HDAC9: variants seen among roughly 807,000 people sequenced by gnomAD.
HDAC9 encodes the protein MEF-2 interacting transcription repressor (MITR) protein.
A neutral mutation model predicts 139.4 loss-of-function variants in HDAC9; 41 were observed. The observed-to-expected ratio is 0.29, with a 90% CI of 0.23 to 0.38. The LOEUF (loss-of-function observed/expected upper bound fraction) is 0.38, where lower values mean the gene tolerates loss of function less well. Among genes scored for constraint, HDAC9 ranks in the 10% least tolerant of loss-of-function variants. HDAC9 has a pLI of 1.00. For missense variants in HDAC9, 1,147 were observed against 1,297.0 expected (o/e 0.88, Z 1.78); for synonymous variants, 517 against 476.2 (o/e 1.09, Z -1.12).
At chr7:18,387,236 T>C (rs1022054261) in intron 1 of HDAC9, among the ~76,000 whole-genome samples, 1 of 152,230 alleles carries the variant, frequency 6.6e-6, no homozygotes, top group African/African-American at 2.4e-5. Context: ...GCCACAGCTT[T>C]CTGTCCATCA....
At chr7:18,665,236 T>G (rs995567063) in intron 11 of HDAC9, among the ~76,000 whole-genome samples, 1 of 152,154 alleles carries the variant, frequency 6.6e-6, no homozygotes, top group African/African-American at 2.4e-5. Context: ...GCATGTTGCT[T>G]ACATAGGCAC....
chr7:18,463,450 A>G (rs556085578), intron 1 of HDAC9, among the ~76,000 whole-genome samples: 1 of 151,996 alleles, frequency 6.6e-6, no homozygotes, highest in African/African-American at 2.4e-5. Context: ...CTATTTACTT[A>G]TATGTCAGTT....
chr7:18,501,035 G>C (rs2128154988), intron 2 of HDAC9, among the ~76,000 whole-genome samples: 1 of 152,044 alleles, frequency 6.6e-6, no homozygotes, highest in South Asian at 2.1e-4. Flanking sequence ...AAAAATCAGA[G>C]TAAATGAAAA....
chr7:18,970,668 T>A (rs755632143), intron 24 of HDAC9, among the ~76,000 whole-genome samples: 3 of 152,208 alleles, frequency 2.0e-5, no homozygotes, highest in Non-Finnish European at 4.4e-5. Context: ...AGAAAATCCA[T>A]AGACCTCCTT....
chr7:18,389,072 G>T (rs146557586), intron 1 of HDAC9, among the ~76,000 whole-genome samples: 1 of 152,284 alleles, frequency 6.6e-6, no homozygotes, highest in African/African-American at 2.4e-5. Flanking sequence ...ATTGCCTTTC[G>T]AATAGCTGTA....
chr7:18,921,496 A>G (rs550855241), intron 22 of HDAC9, among the ~76,000 whole-genome samples: 180 of 152,342 alleles, frequency 1.2e-3, no homozygotes, highest in Non-Finnish European at 1.8e-3. Context: ...ATCACTGGCC[A>G]TCAGAGAAAT....
chr7:18,252,292 C>G (rs977448860), intron 2 of HDAC9, among the ~76,000 whole-genome samples: 2 of 152,186 alleles, frequency 1.3e-5, no homozygotes, highest in African/African-American at 4.8e-5. Flanking sequence ...GCCTGGAGAA[C>G]TACAGGCAGA....
At chr7:18,756,365 A>G (rs974318676) in intron 14 of HDAC9, among the ~76,000 whole-genome samples, 3 of 152,202 alleles carry the variant, frequency 2.0e-5, no homozygotes, top group Admixed American at 6.5e-5. Flanking sequence ...ATTATTTTGA[A>G]GTTGTCACAG....
upstream of HDAC9, among the ~76,000 whole-genome samples, chr7:18,493,274 A>G (rs552572573): frequency 7.9e-5 from 12 of 152,096 alleles, no homozygotes; most frequent in East Asian, 1.9e-4. Context: ...TCTCTTTTGT[A>G]TATTCATCAT....
At chr7:18,544,513 C>T (rs542578132) in intron 2 of HDAC9, among the ~76,000 whole-genome samples, 39 of 152,282 alleles carry the variant, frequency 2.6e-4, no homozygotes, top group South Asian at 2.1e-3. Context: ...GCATCATCCT[C>T]ATATAGATAG....
intron 1 of HDAC9, among the ~76,000 whole-genome samples, chr7:18,161,120 A>C (rs191581820): frequency 6.6e-6 from 1 of 152,292 alleles, no homozygotes; most frequent in African/African-American, 2.4e-5. Flanking sequence ...ATTGTCATTA[A>C]ATCTTAATAC....
chr7:18,138,527 G>GGGGTGT (rs1554306542), intron 1 of HDAC9, among the ~76,000 whole-genome samples: 4 of 142,584 alleles, frequency 2.8e-5, no homozygotes, highest in Non-Finnish European at 4.6e-5. Context: ...GAGAGAGAGA[G>GGGGTGT]GTGTGTGTGT....
In HDAC9 at chr7:18,612,402, ATACT is replaced by A. The variant is rs755854995; in HGVS notation, c.665-16941_665-16938del. Among the ~76,000 whole-genome samples, 20 of 152,216 alleles carry A rather than the reference ATACT, an allele frequency of 1.3e-4. No individual in the cohort carries two copies. In the South Asian group the frequency reaches 2.7e-3, roughly 21 times the overall value. On this transcript the variant is annotated intron_variant, in intron 6 of 25. Transcript: ENST00000686413. ...TATTTATCTTTTTTTAAGAATTAAT[ATACT>A]TACTTATTGTTATTACAGTGATGTT...
intron 21 of HDAC9, among the ~76,000 whole-genome samples, chr7:18,837,886 C>A (rs1022129196): frequency 3.0e-4 from 45 of 152,030 alleles, no homozygotes; most frequent in African/African-American, 1.0e-3. Flanking sequence ...CAGAATGGCG[C>A]CTTCTCTTTG....
chr7:18,586,700 C>G (rs1053332356), intron 3 of HDAC9, among the ~76,000 whole-genome samples: 1 of 151,990 alleles, frequency 6.6e-6, no homozygotes, highest in Non-Finnish European at 1.5e-5. Flanking sequence ...GGCTCTTTGA[C>G]AAGTGATATA....
At chr7:18,822,908 T>C (rs1795097188) in intron 17 of HDAC9, among the ~76,000 whole-genome samples, 2 of 152,256 alleles carry the variant, frequency 1.3e-5, no homozygotes, top group South Asian at 4.1e-4. Flanking sequence ...TTTTATTATG[T>C]ATCATAGTAT....
intron 2 of HDAC9, among the ~76,000 whole-genome samples, chr7:18,268,736 G>A (rs1200928015): frequency 2.6e-5 from 4 of 152,128 alleles, no homozygotes; most frequent in African/African-American, 9.7e-5. Flanking sequence ...TTCCAGTAAT[G>A]GGGGGTGGCT....
chr7:18,667,394 A>G (rs1795136551), intron 12 of HDAC9: 1 of 981,352 alleles, frequency 1.0e-6, no homozygotes, highest in Non-Finnish European at 1.2e-6. Flanking sequence ...TATTGTCACT[A>G]GAATCTCTTA....
At chr7:18,511,193 A>T (rs937252166) in intron 2 of HDAC9, among the ~76,000 whole-genome samples, 3 of 152,208 alleles carry the variant, frequency 2.0e-5, no homozygotes, top group Admixed American at 2.0e-4. Context: ...ATACCAGCTT[A>T]ACCTAACTTT....
Sources: allele counts gnomAD v4.1 joint callset (sites outside exome capture counted in the v4.1 genomes callset), GRCh38; gene constraint gnomAD v4.1.1; transcripts MANE v1.5; gene names NCBI Gene and HGNC (gene_info 2026-07-23, HGNC 2026-07-21).